Variants in SKAP1 observed in about 807,000 individuals in gnomAD.
SKAP1 encodes the protein src kinase associated phosphoprotein 1.
Under a neutral mutation model 58.5 loss-of-function variants are expected in SKAP1, and 44 were observed. That is an observed-to-expected ratio of 0.75 (90% CI 0.59 to 0.97). The LOEUF (loss-of-function observed/expected upper bound fraction) is 0.97, where lower values mean the gene tolerates loss of function less well. SKAP1 is among the 50% of genes least tolerant of loss of function. SKAP1 has a pLI of 0.00. For missense variants in SKAP1, 390 were observed against 435.2 expected, an observed-to-expected ratio of 0.90 and a Z score of 0.92; for synonymous variants, 127 against 149.7, an observed-to-expected ratio of 0.85 and a Z score of 1.11.
At chr17:48,386,328 G>GATT (rs2067276436) in intron 2 of SKAP1, among the ~76,000 whole-genome samples, 1 of 100,564 alleles carries the variant, frequency 9.9e-6, no homozygotes, top group African/African-American at 4.3e-5. Flanking sequence ...TTTTTTTGGT[G>GATT]ACTATAAGAC....
intron 4 of SKAP1, among the ~76,000 whole-genome samples, chr17:48,220,279 T>C (rs181100938): frequency 8.0e-4 from 122 of 152,232 alleles, no homozygotes; most frequent in African/African-American, 2.8e-3. Flanking sequence ...TTTACAATAT[T>C]TCCAAAGCAG....
At chr17:48,426,667 T>C (rs1300160324) in intron 1 of SKAP1, among the ~76,000 whole-genome samples, 1 of 152,218 alleles carries the variant, frequency 6.6e-6, no homozygotes, top group Non-Finnish European at 1.5e-5. Flanking sequence ...TATTTCCTCC[T>C]CTTTCAATAA....
intron 11 of SKAP1, among the ~76,000 whole-genome samples, chr17:48,154,791 G>A (rs1030486889): frequency 1.3e-5 from 2 of 152,074 alleles, no homozygotes; most frequent in African/African-American, 4.8e-5. Context: ...GGGCGTGGTG[G>A]CTCACACCTG....
chr17:48,176,343 A>C (rs1206073535), intron 9 of SKAP1, among the ~76,000 whole-genome samples: 1 of 152,184 alleles, frequency 6.6e-6, no homozygotes, highest in Non-Finnish European at 1.5e-5. Flanking sequence ...GTCTTGCTGG[A>C]TCCCAGCCTT....
At chr17:48,416,427 C>T (rs970486460) in intron 1 of SKAP1, among the ~76,000 whole-genome samples, 2 of 152,126 alleles carry the variant, frequency 1.3e-5, no homozygotes, top group Non-Finnish European at 2.9e-5. Flanking sequence ...CCCAGGGGTC[C>T]ATCCCAGGGC....
chr17:48,143,137 C>G (rs2063788786), intron 11 of SKAP1, among the ~76,000 whole-genome samples: 1 of 150,050 alleles, frequency 6.7e-6, no homozygotes, highest in Non-Finnish European at 1.5e-5. Context: ...CCCAGGCCAG[C>G]TTCTCCCTAC....
chr17:48,343,219 T>C (rs1035784759), intron 4 of SKAP1, among the ~76,000 whole-genome samples: 2 of 152,162 alleles, frequency 1.3e-5, no homozygotes, highest in South Asian at 2.1e-4. Flanking sequence ...AACAAACATT[T>C]GTTTAAAAAA....
At chr17:48,257,960 G>A (rs2143914143) in intron 4 of SKAP1, among the ~76,000 whole-genome samples, 1 of 152,126 alleles carries the variant, frequency 6.6e-6, no homozygotes, top group East Asian at 1.9e-4. Context: ...ACATGGATGA[G>A]AAAAGCGACC....
intron 12 of SKAP1, among the ~76,000 whole-genome samples, chr17:48,134,071 T>C (rs552697606): frequency 1.3e-5 from 2 of 150,996 alleles, no homozygotes; most frequent in African/African-American, 4.9e-5. Flanking sequence ...TTATTTTTTT[T>C]AAACTTACCA....
intron 4 of SKAP1, among the ~76,000 whole-genome samples, chr17:48,292,094 C>T (rs7218563): frequency 0.63 from 89,791 of 142,776 alleles, 28,268 homozygotes; most frequent in African/African-American, 0.77. Context: ...TCACATAAAT[C>T]ACAAATACAC....
intron 4 of SKAP1, among the ~76,000 whole-genome samples, chr17:48,265,955 CTT>C (rs1327576870): frequency 6.6e-6 from 1 of 152,154 alleles, no homozygotes; most frequent in Non-Finnish European, 1.5e-5. Flanking sequence ...TGATTTTTCT[CTT>C]TATGAAAAAT....
chr17:48,150,397 A>G (rs2063886391), intron 11 of SKAP1, among the ~76,000 whole-genome samples: 1 of 152,204 alleles, frequency 6.6e-6, no homozygotes, highest in Non-Finnish European at 1.5e-5. Context: ...GTGAGCATCA[A>G]AAAGCAGGAG....
intron 11 of SKAP1, among the ~76,000 whole-genome samples, chr17:48,142,940 TAC>T (rs1046790707): frequency 6.6e-6 from 1 of 151,324 alleles, no homozygotes; most frequent in Non-Finnish European, 1.5e-5. Context: ...TAACTAGGAC[TAC>T]AGGTGCATTT....
intron 4 of SKAP1, among the ~76,000 whole-genome samples, chr17:48,248,453 G>T (rs1351994536): frequency 1.3e-5 from 2 of 152,128 alleles, no homozygotes; most frequent in Non-Finnish European, 2.9e-5. Flanking sequence ...TGTAATCCCA[G>T]CTACTCATGA....
At chr17:48,161,721 A>C (rs117948959) in intron 11 of SKAP1, among the ~76,000 whole-genome samples, 2,858 of 152,278 alleles carry the variant, frequency 0.019, 49 homozygotes, top group Middle Eastern at 0.037. Context: ...TGCTCAAACC[A>C]ATTGAGTTAA....
chr17:48,342,425 C>T (rs1441175884), intron 4 of SKAP1, among the ~76,000 whole-genome samples: 1 of 151,978 alleles, frequency 6.6e-6, no homozygotes, highest in African/African-American at 2.4e-5. Flanking sequence ...CTATATTCTT[C>T]TAGCACTCTT....
At chr17:48,330,263 TGA>T (rs1342677872) in intron 4 of SKAP1, among the ~76,000 whole-genome samples, 31 of 152,132 alleles carry the variant, frequency 2.0e-4, no homozygotes, top group Admixed American at 6.6e-5. Flanking sequence ...AAATTTTATA[TGA>T]GAGGGGAAAA....
At chr17:48,313,302 A>G (rs965016374) in intron 4 of SKAP1, among the ~76,000 whole-genome samples, 1 of 152,118 alleles carries the variant, frequency 6.6e-6, no homozygotes, top group African/African-American at 2.4e-5. Flanking sequence ...TTAAAGATAT[A>G]TAATCATTGA....
chr17:48,200,860 T>C (rs747555890), intron 4 of SKAP1, among the ~76,000 whole-genome samples: 1 of 152,258 alleles, frequency 6.6e-6, no homozygotes, highest in Non-Finnish European at 1.5e-5. Context: ...ATTATTTGTA[T>C]ACTTGTTTCT....
Sources: allele counts gnomAD v4.1 joint callset (sites outside exome capture counted in the v4.1 genomes callset), GRCh38; gene constraint gnomAD v4.1.1; transcripts MANE v1.5; gene names NCBI Gene and HGNC (gene_info 2026-07-23, HGNC 2026-07-21).